Variants in KIF5C observed in about 807,000 individuals in gnomAD.
The protein encoded by KIF5C is kinesin family member 5C, also known as kinesin heavy chain isoform 5C.
In KIF5C, 18 loss-of-function variants were observed where a neutral mutation model predicts 125.2. The observed-to-expected ratio is 0.14, with a 90% CI of 0.10 to 0.21. The LOEUF (loss-of-function observed/expected upper bound fraction) is 0.21. Ranked by LOEUF, KIF5C falls within the 10% of genes least tolerant of loss-of-function variation. The pLI is 1.00. For synonymous variants in KIF5C, 405 were observed against 434.0 expected (o/e 0.93, Z 0.83); for missense variants, 780 against 1,183.8 (o/e 0.66, Z 5.01).
At chr2:148,984,667 A>G (rs1158951095) in intron 15 of KIF5C, among the ~76,000 whole-genome samples, 1 of 152,186 alleles carries the variant, frequency 6.6e-6, no homozygotes, top group Non-Finnish European at 1.5e-5. Context: ...CCAGAACTGG[A>G]TCACATGACC....
In KIF5C at chr2:149,025,489, T is replaced by C. The variant is rs150129035; in HGVS notation, c.*2419T>C. On this transcript the variant is annotated 3_prime_UTR_variant, in exon 26 of 26. Transcript: ENST00000435030. ...TCTAAAAAAGCCACATATGTGCAATTTTCAGGTTTTTAGACTATTGCTCCC... is the reference window on the plus strand; with the variant it reads ...TCTAAAAAAGCCACATATGTGCAATCTTCAGGTTTTTAGACTATTGCTCCC... The C allele has an allele frequency of 6.6e-6, 1 of 152,560 alleles. No individual in the cohort carries two copies. The highest frequency in any genetic ancestry group is 2.4e-5 in the African/African-American group (1 of 41,454). 9.5% of individuals were successfully genotyped at this position (152,560 alleles called of 1,614,324 possible).
intron 10 of KIF5C, among the ~76,000 whole-genome samples, chr2:148,961,147 A>G (rs888367166): frequency 2.0e-5 from 3 of 152,250 alleles, no homozygotes; most frequent in African/African-American, 4.8e-5. Flanking sequence ...GCCATTAGGC[A>G]TGTTTGTTTG....
rs940432814 is a variant in KIF5C, at chr2:149,024,827, T to C, written c.*1757T>C. Reference sequence around the variant, plus strand: ...ATCAGTGCCAGCCCAATATACCTGCTCTACCATTATTTGCGGTCTGATAAA... The same window carrying C: ...ATCAGTGCCAGCCCAATATACCTGCCCTACCATTATTTGCGGTCTGATAAA... On this transcript the variant is annotated 3_prime_UTR_variant, in exon 26 of 26. Transcript: ENST00000435030. The C allele has an allele frequency of 6.6e-6, 1 of 152,602 alleles. No individual in the cohort carries two copies. Among genetic ancestry groups the C allele is most frequent in the African/African-American group, 2.4e-5 (1 of 41,424 alleles). 9.5% of individuals were successfully genotyped at this position (152,602 alleles called of 1,614,324 possible).
intron 5 of KIF5C, 23 bp downstream of exon 5, chr2:148,941,681 C>G (rs1266977301): frequency 6.4e-7 from 1 of 1,553,258 alleles, no homozygotes; most frequent in African/African-American, 1.4e-5. Flanking sequence ...AGTGCTTGTC[C>G]TTTATTTGTT....
intron 1 of KIF5C, chr2:148,885,687 A>G (rs1681498572): frequency 6.6e-6 from 1 of 152,222 alleles, no homozygotes; most frequent in African/African-American, 2.4e-5. Context: ...TATGTTTCAT[A>G]TTCCTCTTCT....
chr2:148,969,650 G>A (rs1262789211), intron 11 of KIF5C, among the ~76,000 whole-genome samples: 1 of 152,098 alleles, frequency 6.6e-6, no homozygotes, highest in Admixed American at 6.5e-5. Flanking sequence ...AGTTCAGGGC[G>A]TTATTTCTCT....
chr2:148,885,381 T>C (rs1681487701), intron 1 of KIF5C, among the ~76,000 whole-genome samples: 1 of 152,230 alleles, frequency 6.6e-6, no homozygotes, highest in African/African-American at 2.4e-5. Context: ...TGTGGCCTTC[T>C]CCCTGCTGCT....
chr2:148,890,092 C>A (rs1681662857), intron 1 of KIF5C, among the ~76,000 whole-genome samples: 1 of 152,092 alleles, frequency 6.6e-6, no homozygotes, highest in Non-Finnish European at 1.5e-5. Flanking sequence ...ATGTTGAGTA[C>A]CATTTACTTA....
intron 10 of KIF5C, among the ~76,000 whole-genome samples, chr2:148,951,621 G>C (rs1272663120): frequency 1.3e-5 from 2 of 152,180 alleles, no homozygotes; most frequent in Non-Finnish European, 2.9e-5. Context: ...AGCGAGCTCT[G>C]ATGTTGGATG....
chr2:148,990,946 C>T (rs1391997310), intron 15 of KIF5C, 64 bp from the exon 16 acceptor site: 62 of 1,524,908 alleles, frequency 4.1e-5, no homozygotes, highest in Non-Finnish European at 5.2e-5. Flanking sequence ...GGCAGGTTTC[C>T]AGGGAGTCCG....
chr2:148,909,929 T>C (rs888849000), intron 1 of KIF5C, among the ~76,000 whole-genome samples: 9 of 152,202 alleles, frequency 5.9e-5, no homozygotes, highest in African/African-American at 1.9e-4. Context: ...TCTCCATCTG[T>C]AAAATGGATA....
chr2:148,933,475 C>T (rs1158392863), intron 3 of KIF5C, among the ~76,000 whole-genome samples: 1 of 151,730 alleles, frequency 6.6e-6, no homozygotes, highest in Non-Finnish European at 1.5e-5. Flanking sequence ...CGTAAACACA[C>T]ACACAGACAT....
chr2:148,947,156 TGTTATTACATTTA>T, intron 8 of KIF5C, 133 bp downstream of exon 8: 1 of 1,338,888 alleles, frequency 7.5e-7, no homozygotes, highest in Non-Finnish European at 1.0e-6. Context: ...TCTGCCAAGG[TGTTATTACATTTA>T]ACCCTTTGTC....
chr2:148,918,087 C>T (rs1295684672), intron 1 of KIF5C, among the ~76,000 whole-genome samples: 1 of 152,142 alleles, frequency 6.6e-6, no homozygotes, highest in Non-Finnish European at 1.5e-5. Flanking sequence ...TTGCATTCAA[C>T]AATTTGATAG....
intron 4 of KIF5C, 37 bp from the exon 5 acceptor site, chr2:148,941,573 G>A (rs760918991): frequency 1.4e-5 from 21 of 1,551,404 alleles, no homozygotes; most frequent in South Asian, 6.0e-5. Flanking sequence ...AATACACTGC[G>A]GCATGTCTAT....
In KIF5C at chr2:148,962,063, A is replaced by G. The variant is rs748645797; in HGVS notation, c.1061A>G (p.Lys354Arg). The G allele has an allele frequency of 7.4e-6, 12 of 1,613,794 alleles. No individual in the cohort carries two copies. The highest frequency in any genetic ancestry group is 1.0e-5 in the Non-Finnish European group (12 of 1,179,778). Residue 354 changes from lysine (K) to arginine (R), a missense_variant, in exon 11 of 26, where the codon AAG (lysine) becomes AGG (arginine). Around this residue, in one of 2 missense-constraint regions of KIF5C, gnomAD observed 573 missense variants for 742.6 expected, o/e 0.77. Transcript: ENST00000435030. ...KKYEKEKEKN[K>R]TLKNVIQHLE... is the part of the protein sequence containing the mutation. ...TATGAAAAAGAGAAAGAGAAAAACA[A>G]GACTTTGAAGAATGTTATCCAGCAT...
chr2:148,896,166 G>C (rs1299917910), intron 1 of KIF5C, among the ~76,000 whole-genome samples: 1 of 152,150 alleles, frequency 6.6e-6, no homozygotes, highest in Non-Finnish European at 1.5e-5. Flanking sequence ...CTGAAGCCAG[G>C]AAACCCATCC....
At chr2:148,984,695 A>G (rs1175727882) in intron 15 of KIF5C, among the ~76,000 whole-genome samples, 1 of 152,200 alleles carries the variant, frequency 6.6e-6, no homozygotes, top group Non-Finnish European at 1.5e-5. Context: ...ATTTCTGGGA[A>G]AGCAAAGGGG....
intron 1 of KIF5C, among the ~76,000 whole-genome samples, chr2:148,892,542 T>G (rs1681739351): frequency 1.3e-5 from 2 of 152,248 alleles, no homozygotes; most frequent in Non-Finnish European, 2.9e-5. Flanking sequence ...TCTCAAATTA[T>G]GTATGAAGTC....
Sources: allele counts gnomAD v4.1 joint callset (sites outside exome capture counted in the v4.1 genomes callset), GRCh38; gene constraint gnomAD v4.1.1; regional missense constraint gnomAD v4.1.1; transcripts MANE v1.5; gene names NCBI Gene and HGNC (gene_info 2026-07-23, HGNC 2026-07-21).